PACS1: variants seen among roughly 807,000 people sequenced by gnomAD.
PACS1 encodes PACS-1.
A neutral mutation model predicts 115.0 loss-of-function variants in PACS1; 24 were observed. The observed-to-expected ratio is 0.21, with a 90% confidence interval of 0.15 to 0.29. PACS1 has a LOEUF of 0.29. Ranked by LOEUF, PACS1 falls within the 10% of genes least tolerant of loss-of-function variation. PACS1 has a pLI of 1.00. For missense variants in PACS1, 838 were observed against 1,251.2 expected, an observed-to-expected ratio of 0.67 and a Z score of 4.98; for synonymous variants, 453 against 504.5, an observed-to-expected ratio of 0.90 and a Z score of 1.37.
At chr11:66,219,283 A>G (rs759058570) in intron 7 of PACS1, among the ~76,000 whole-genome samples, 17 of 151,176 alleles carry the variant, frequency 1.1e-4, no homozygotes, top group Non-Finnish European at 2.1e-4. Flanking sequence ...AGAAGGAGAG[A>G]CTCCAGGCGT....
chr11:66,126,919 G>A (rs940725537), intron 1 of PACS1, among the ~76,000 whole-genome samples: 1 of 152,120 alleles, frequency 6.6e-6, no homozygotes, highest in African/African-American at 2.4e-5. Context: ...TGCTGCGGGT[G>A]GAGGAGCTTT....
At chr11:66,240,311 G>C (rs1031646260) in intron 21 of PACS1, among the ~76,000 whole-genome samples, 4 of 152,158 alleles carry the variant, frequency 2.6e-5, no homozygotes, top group African/African-American at 9.6e-5. Flanking sequence ...GGGGCAGAGA[G>C]AGGGTGGAGG....
At chr11:66,229,144 G>A (rs572834954) in intron 11 of PACS1, among the ~76,000 whole-genome samples, 2 of 145,950 alleles carry the variant, frequency 1.4e-5, no homozygotes, top group East Asian at 2.0e-4. Context: ...GGGAGGCTGA[G>A]GCAGGCACAT....
intron 1 of PACS1, among the ~76,000 whole-genome samples, chr11:66,140,164 G>T (rs563735905): frequency 6.6e-6 from 1 of 152,144 alleles, no homozygotes; most frequent in Non-Finnish European, 1.5e-5. Flanking sequence ...TGGGTGTCTC[G>T]TTAAAATGCA....
At chr11:66,152,836 G>A (rs957982578) in intron 1 of PACS1, among the ~76,000 whole-genome samples, 7 of 152,116 alleles carry the variant, frequency 4.6e-5, no homozygotes, top group African/African-American at 1.7e-4. Context: ...AGAAGACACT[G>A]GAACAGTATA....
chr11:66,197,792 T>TAAAAATA (rs568845688), intron 2 of PACS1, among the ~76,000 whole-genome samples: 2 of 152,068 alleles, frequency 1.3e-5, no homozygotes, highest in Admixed American at 6.6e-5. Flanking sequence ...ACCTTGTCTC[T>TAAAAATA]AAAAATAAAA....
Position 66,092,421 on chromosome 11 carries a change from A to C in PACS1, c.356+21579A>C, listed in dbSNP as rs372482612. On this transcript the variant is annotated intron_variant, in intron 1 of 23. Transcript: ENST00000320580. ...GAGTTCACTGTAGATTCTGGATATT[A>C]GCCCTTTGTCAGATGAGTAGGTTGC... Among the ~76,000 whole-genome samples the C allele has an allele frequency of 9.1e-4, 139 of 152,216 alleles. 1 individual carries two copies. In the South Asian group the frequency reaches 0.028, roughly 30 times the overall value.
chr11:66,187,878 C>A (rs531670200), intron 1 of PACS1, among the ~76,000 whole-genome samples: 2 of 152,268 alleles, frequency 1.3e-5, no homozygotes, highest in Non-Finnish European at 2.9e-5. Context: ...TTTGAAGGAA[C>A]CTCCATGCTG....
intron 1 of PACS1, among the ~76,000 whole-genome samples, chr11:66,125,932 C>T (rs899897239): frequency 1.3e-5 from 2 of 151,356 alleles, no homozygotes; most frequent in Admixed American, 6.6e-5. Context: ...CCCAGCTACT[C>T]GGGAGGCTGA....
At chr11:66,186,752 C>T (rs1360490127) in intron 1 of PACS1, among the ~76,000 whole-genome samples, 3 of 152,230 alleles carry the variant, frequency 2.0e-5, no homozygotes, top group Non-Finnish European at 4.4e-5. Flanking sequence ...CTACAGCCTT[C>T]ATTCAGGCAT....
chr11:66,108,108 A>C (rs543176963), intron 1 of PACS1, among the ~76,000 whole-genome samples: 58 of 152,218 alleles, frequency 3.8e-4, no homozygotes, highest in Non-Finnish European at 7.6e-4. Context: ...GGCTACCATA[A>C]CAAAATACCA....
intron 4 of PACS1, among the ~76,000 whole-genome samples, chr11:66,215,159 C>T (rs1855172164): frequency 1.3e-5 from 2 of 151,544 alleles, no homozygotes; most frequent in South Asian, 2.1e-4. Flanking sequence ...GTCTTGATCT[C>T]CTGACCTCAT....
rs201389866 is a variant in PACS1, at chr11:66,235,857, C to T, written c.2208-41C>T. ...CCAATTCCCCAGCACTCCTCCCTGT[C>T]TCTCCTACTAACTATGAAGCTCTCC... On this transcript the variant is annotated intron_variant, in intron 18 of 23. Transcript: ENST00000320580. This position sits in a 1 kb window ranked among gnomAD's most constrained non-coding sequence, Gnocchi z 5.6. 40 of 1,564,022 alleles carry T rather than the reference C, an allele frequency of 2.6e-5. No homozygotes were observed. Among genetic ancestry groups the T allele is most frequent in the Non-Finnish European group, 7.9e-6 (9 of 1,134,294 alleles).
chr11:66,114,730 C>T (rs1436759729), intron 1 of PACS1, among the ~76,000 whole-genome samples: 2 of 152,076 alleles, frequency 1.3e-5, no homozygotes, highest in Non-Finnish European at 2.9e-5. Context: ...ACACTGAAAA[C>T]TTTGTTTCAG....
chr11:66,166,082 CAAAAT>C (rs1859594138), intron 1 of PACS1, among the ~76,000 whole-genome samples: 1 of 152,092 alleles, frequency 6.6e-6, no homozygotes, highest in Non-Finnish European at 1.5e-5. Context: ...CCATCATAAA[CAAAAT>C]AAAGGTCCCT....
At position 66,243,003 on chromosome 11, in the gene PACS1, A is replaced by T; in HGVS notation, c.2748A>T (p.Ser916=). The part of the protein sequence containing the change: ...VIEGISRLIC[S]AKQQQTMLRV... ...AAGGCATCAGCCGCCTCATCTGCTC[A>T]GCCAAGCAGCAGCAGACTATGCTGA... Residue 916 remains serine (S), a synonymous_variant, in exon 23 of 24, where the codon TCA becomes TCT. Coordinates refer to ENST00000320580, the MANE Select transcript of PACS1 (RefSeq NM_018026.4). The T allele has an allele frequency of 6.2e-7, 1 of 1,613,982 alleles. No individual in the cohort carries two copies. Among genetic ancestry groups the T allele is most frequent in the Non-Finnish European group, 8.5e-7 (1 of 1,179,940 alleles).
chr11:66,194,305 A>G (rs1854599700), intron 2 of PACS1, among the ~76,000 whole-genome samples: 1 of 152,112 alleles, frequency 6.6e-6, no homozygotes, highest in Non-Finnish European at 1.5e-5. Flanking sequence ...AAACTTACAG[A>G]TTGTTATTTC....
At chr11:66,148,874 C>T (rs191732218) in intron 1 of PACS1, among the ~76,000 whole-genome samples, 13 of 152,094 alleles carry the variant, frequency 8.5e-5, no homozygotes, top group South Asian at 4.2e-4. Context: ...TGCAGTGAGC[C>T]GAGATTGCAC....
intron 1 of PACS1, among the ~76,000 whole-genome samples, chr11:66,165,015 A>G (rs1304582764): frequency 6.6e-6 from 1 of 152,156 alleles, no homozygotes; most frequent in Non-Finnish European, 1.5e-5. Flanking sequence ...GCTGTACAGC[A>G]TGCCCTTTAT....
Sources: gnomAD v4.1 joint callset for allele counts (sites outside exome capture counted in the v4.1 genomes callset) on GRCh38, gnomAD v4.1.1 for gene constraint, Gnocchi (gnomAD v3.1) non-coding constraint, MANE v1.5 for transcripts, NCBI Gene and HGNC (gene_info 2026-07-23, HGNC 2026-07-21) for gene names.